The following TSGA10 variants were observed in gnomAD, a reference collection of about 807,000 sequenced individuals.
TSGA10 encodes the protein testis-specific gene 10 protein.
In TSGA10, 43 loss-of-function variants were observed where a neutral mutation model predicts 96.6. The observed-to-expected ratio is 0.44, with a 90% CI of 0.35 to 0.57. The LOEUF is 0.57. Among genes scored for constraint, TSGA10 ranks in the 20% least tolerant of loss-of-function variants. The probability of loss-of-function intolerance (pLI) is 0.01; values close to 1 mark genes in which losing one functional copy is unlikely to be tolerated. For synonymous variants in TSGA10, 229 were observed against 269.9 expected (o/e 0.85, Z 1.48); for missense variants, 703 against 834.4 (o/e 0.84, Z 1.94).
intron 4 of TSGA10, among the ~76,000 whole-genome samples, chr2:99,114,746 C>T (rs943202604): frequency 6.6e-6 from 1 of 152,146 alleles, no homozygotes; most frequent in African/African-American, 2.4e-5. Context: ...TTTACCCTGA[C>T]ATAGTACTTA....
chr2:99,015,177 G>A (rs1378801956), intron 20 of TSGA10, among the ~76,000 whole-genome samples: 2 of 152,162 alleles, frequency 1.3e-5, no homozygotes, highest in South Asian at 2.1e-4. Context: ...GCTAGGAAAG[G>A]ACATAACAAA....
At chr2:99,063,744 T>C (rs2084945077) in intron 16 of TSGA10, among the ~76,000 whole-genome samples, 1 of 140,770 alleles carries the variant, frequency 7.1e-6, no homozygotes, top group Non-Finnish European at 1.5e-5. Context: ...AAGCGGAGGT[T>C]GCAGTGAGCC....
chr2:99,072,161 T>C (rs1416148202), intron 13 of TSGA10, among the ~76,000 whole-genome samples: 1 of 152,200 alleles, frequency 6.6e-6, no homozygotes, highest in Non-Finnish European at 1.5e-5. Flanking sequence ...CCTACTTCTG[T>C]TATGGCTTAG....
chr2:99,078,533 C>T, intron 12 of TSGA10, 126 bp downstream of exon 12: 3 of 994,850 alleles, frequency 3.0e-6, no homozygotes, highest in East Asian at 2.7e-5. Flanking sequence ...TTTGAAGTTC[C>T]AGCTTCTAGA....
chr2:99,141,431 G>C (rs1462333221), intron 1 of TSGA10: 2 of 178,776 alleles, frequency 1.1e-5, no homozygotes, highest in African/African-American at 4.8e-5. Flanking sequence ...CGCGTACCTG[G>C]CTCGACCTTC....
chr2:99,082,963 G>A (rs2087710348), intron 10 of TSGA10, among the ~76,000 whole-genome samples: 1 of 151,720 alleles, frequency 6.6e-6, no homozygotes, highest in African/African-American at 2.4e-5. Context: ...TAAAAATACA[G>A]AATAGACACT....
rs1158212991 is a variant in TSGA10 at position 99,105,433 on chromosome 2, C to A, written c.385G>T (p.Ala129Ser). Residue 129 changes from alanine to serine, a missense_variant, in exon 9 of 21, where the codon GCT (alanine) becomes TCT (serine). This residue lies in a region of TSGA10 where 585 missense variants were observed against 656.8 expected (regional missense o/e 0.89). Transcript: ENST00000393483. The stretch of plus-strand genomic sequence containing the variant: ...TTCTCATTAAATGCTGTCTCTTGAG[C>A]AATCTGATTAAAAAGCAAAAACAAA... ...RDSLRERLKI[A>S]QETAFNEKAH... 5 of 1,613,300 alleles carry A rather than the reference C, an allele frequency of 3.1e-6. No homozygotes were observed. The South Asian group carries it at 3.3e-5, about 11-fold the overall frequency.
intron 7 of TSGA10, among the ~76,000 whole-genome samples, chr2:99,106,804 A>G (rs1368261504): frequency 6.6e-6 from 1 of 152,008 alleles, no homozygotes; most frequent in Admixed American, 6.6e-5. Flanking sequence ...GCTGTCTGTC[A>G]TCTTTGTCTC....
chr2:99,004,686 G>T (rs2078299573), intron 20 of TSGA10, among the ~76,000 whole-genome samples: 1 of 151,958 alleles, frequency 6.6e-6, no homozygotes, highest in African/African-American at 2.4e-5. Flanking sequence ...GAACCAGATG[G>T]ATTCACAGCC....
chr2:99,050,367 T>G (rs1326787336), intron 16 of TSGA10, among the ~76,000 whole-genome samples: 1 of 152,154 alleles, frequency 6.6e-6, no homozygotes, highest in Admixed American at 6.6e-5. Flanking sequence ...CGTTAAAACA[T>G]TTCAGATTTC....
chr2:99,146,118 A>G (rs1312988554), intron 1 of TSGA10, among the ~76,000 whole-genome samples: 1 of 152,114 alleles, frequency 6.6e-6, no homozygotes, highest in Non-Finnish European at 1.5e-5. Context: ...CATCGTCTCT[A>G]CTAAAAATAC....
At chr2:99,130,277 C>A (rs1485885680) in intron 1 of TSGA10, among the ~76,000 whole-genome samples, 2 of 152,236 alleles carry the variant, frequency 1.3e-5, no homozygotes, top group Non-Finnish European at 2.9e-5. Context: ...TTCTCCACAA[C>A]TTCTCCAGCA....
At chr2:99,118,501 G>T (rs1559073233) in intron 3 of TSGA10, 50 bp downstream of exon 3, 13 of 610,006 alleles carry the variant, frequency 2.1e-5, no homozygotes, top group South Asian at 7.2e-5. Context: ...GTATATATAT[G>T]TGTATTATTA....
intron 16 of TSGA10, among the ~76,000 whole-genome samples, chr2:99,051,234 T>C (rs111664470): frequency 1.2e-4 from 18 of 152,310 alleles, no homozygotes; most frequent in African/African-American, 3.8e-4. Context: ...TTCAACTATA[T>C]GCTGTCTGTA....
chr2:99,022,346 A>C (rs1265580690), intron 17 of TSGA10, among the ~76,000 whole-genome samples: 2 of 151,166 alleles, frequency 1.3e-5, no homozygotes, highest in Non-Finnish European at 3.0e-5. Flanking sequence ...AAAAAAAAAA[A>C]AAAAAACACC....
At chr2:99,064,567 A>T (rs1427888595) in intron 16 of TSGA10, among the ~76,000 whole-genome samples, 1 of 152,200 alleles carries the variant, frequency 6.6e-6, no homozygotes, top group African/African-American at 2.4e-5. Context: ...AGGAGGGAAA[A>T]GGATGAGAGA....
intron 10 of TSGA10, among the ~76,000 whole-genome samples, chr2:99,103,457 G>A (rs988427918): frequency 1.3e-5 from 2 of 152,010 alleles, no homozygotes; most frequent in African/African-American, 4.8e-5. Context: ...ATACATCTTC[G>A]GCAACCATGC....
chr2:99,150,654 C>T, intron 1 of TSGA10: 1 of 1,613,976 alleles, frequency 6.2e-7, no homozygotes, highest in Non-Finnish European at 8.5e-7. Context: ...CTGAAAAAAG[C>T]AGGTTGGAAC....
intron 10 of TSGA10, among the ~76,000 whole-genome samples, chr2:99,088,376 T>G (rs1320235050): frequency 6.6e-6 from 1 of 152,228 alleles, no homozygotes; most frequent in Non-Finnish European, 1.5e-5. Flanking sequence ...AATTAAATAT[T>G]ATCATAGGTA....
Sources: gnomAD v4.1 joint callset for allele counts (sites outside exome capture counted in the v4.1 genomes callset) on GRCh38, gnomAD v4.1.1 for gene constraint, gnomAD v4.1.1 regional missense constraint, MANE v1.5 for transcripts, NCBI Gene and HGNC (gene_info 2026-07-23, HGNC 2026-07-21) for gene names.